USP28: variants seen among roughly 807,000 people sequenced by gnomAD.
USP28 encodes ubiquitin specific peptidase 28, also known as ubiquitin carboxyl-terminal hydrolase 28.
USP28 carries 113 observed loss-of-function variants against 145.0 expected under a neutral mutation model. The ratio of observed to expected loss-of-function variants is 0.78; its 90% CI spans 0.67 to 0.91. The LOEUF is 0.91. Among genes scored for constraint, USP28 ranks in the 40% least tolerant of loss-of-function variants. The probability of loss-of-function intolerance (pLI) is 0.00; values close to 1 mark genes in which losing one functional copy is unlikely to be tolerated. For missense variants in USP28, 1,201 were observed against 1,289.6 expected (o/e 0.93, Z 1.05); for synonymous variants, 447 against 450.9 (o/e 0.99, Z 0.11).
chr11:113,817,693 C>T, exon 13 of USP28: 7 of 1,614,160 alleles, frequency 4.3e-6, no homozygotes, highest in Non-Finnish European at 5.9e-6. Flanking sequence ...CCGAGCAGTG[C>T]ACTGAAGAAA....
At position 113,854,350 on chromosome 11, in the gene USP28, C is replaced by CA. The variant is rs780996410; in HGVS notation, c.58-16dup. On this transcript the variant is annotated splice_polypyrimidine_tract_variant and intron_variant, in intron 1 of 24. Coordinates refer to ENST00000003302, the Ensembl canonical transcript of USP28. ...ATTTGGCAGCTCTATATTTGCAAAA[C>CA]AAAAAAACCACAAACATGTCAGTCA... 9 of 1,605,748 alleles carry CA rather than the reference C, an allele frequency of 5.6e-6. No individual in the cohort carries two copies. The Admixed American group carries it at 6.8e-5, about 12-fold the overall frequency.
rs189757450 is a variant in USP28, at chr11:113,817,598, A to G, written c.1463+60T>C. 5.7e-3 allele frequency: 8,798 copies of G among 1,556,112 alleles called. 28 individuals carry two copies. The highest frequency in any genetic ancestry group is 7.1e-3 in the Non-Finnish European group (8,143 of 1,141,160). On this transcript the variant is annotated intron_variant, in intron 13 of 24. Coordinates refer to ENST00000003302, the Ensembl canonical transcript of USP28. ...TGTCAATCAAGTACAAAGATGGTGC[A>G]TAGTTTAAATTATACCAGAAAAACA...
intron 24 of USP28, among the ~76,000 whole-genome samples, chr11:113,800,158 A>C (rs1157775162): frequency 3.9e-5 from 6 of 151,994 alleles, no homozygotes; most frequent in African/African-American, 1.5e-4. Flanking sequence ...GGTGCCCGCC[A>C]CCACACCCGG....
At chr11:113,830,644 A>C (rs1294279993) in intron 9 of USP28, among the ~76,000 whole-genome samples, 1 of 152,166 alleles carries the variant, frequency 6.6e-6, no homozygotes, top group Non-Finnish European at 1.5e-5. Context: ...TAATATGACA[A>C]ATCTGAGATA....
Position 113,812,306 on chromosome 11 carries a change from T to C in USP28, c.1942A>G (p.Ile648Val), listed in dbSNP as rs375716541. 3.7e-6 allele frequency: 6 copies of C among 1,614,026 alleles called. No individual in the cohort carries two copies. In the African/African-American group the frequency reaches 8.0e-5, roughly 22 times the overall value. The stretch of plus-strand genomic sequence containing the variant: ...TTGAAGTAGGGTAGTTTGTCATTAA[T>C]GTACATCAGACAGTAAGCACTAACA... Residue 648 changes from isoleucine (I) to valine (V), a missense_variant, in exon 16 of 25, where the codon ATT becomes GTT. Transcript: ENST00000003302.
chr11:113,803,668 G>C lies in USP28; in HGVS notation c.2738+130C>G, dbSNP rs1175514688. The C allele has an allele frequency of 4.3e-6, 3 of 695,762 alleles. No homozygotes were observed. In the East Asian group the frequency reaches 8.0e-5, roughly 19 times the overall value. The allele number at this position is 695,762 out of a possible 1,614,324, so 43.1% of individuals were successfully genotyped here. A position where few individuals can be genotyped will look rare whatever the true frequency, so the allele number is the denominator to read the frequency against. On this transcript the variant is annotated intron_variant, in intron 22 of 24. Coordinates refer to ENST00000003302, the Ensembl canonical transcript of USP28. ...TTAGAGCAAAACCAAAGCACTGCAAGAGAAGAGGCACACTAGTGTATGTGA... is the reference window on the plus strand; with the variant it reads ...TTAGAGCAAAACCAAAGCACTGCAACAGAAGAGGCACACTAGTGTATGTGA...
At chr11:113,813,815 T>G (rs1941336761) in intron 15 of USP28, 70 bp downstream of exon 15, 1 of 1,255,002 alleles carries the variant, frequency 8.0e-7, no homozygotes. Context: ...AAAAGAAAAC[T>G]ATCAAATTTG....
In USP28 at chr11:113,833,570, C is replaced by T. The variant is rs371512678; in HGVS notation, c.622-13G>A. On this transcript the variant is annotated splice_polypyrimidine_tract_variant and intron_variant, in intron 6 of 24. Coordinates refer to ENST00000003302, the Ensembl canonical transcript of USP28. ...TATTTCTCTTTTCCTGTAGAAAACA[C>T]AGTACATGTACTCTTACAATATCTC... The T allele has an allele frequency of 2.4e-5, 39 of 1,609,948 alleles. No individual in the cohort carries two copies. The highest frequency in any genetic ancestry group is 3.0e-5 in the Non-Finnish European group (35 of 1,179,106).
rs1469215836 is a variant in USP28, at chr11:113,875,469, G to A, written c.33C>T (p.Ala11=). Reference sequence around the variant, plus strand: ...CCGAGCCGTGGCCGTCTGCCGCGCCGGCCGCGTCGTCCTGCTGCAGCTCCG... The same window carrying A: ...CCGAGCCGTGGCCGTCTGCCGCGCCAGCCGCGTCGTCCTGCTGCAGCTCCG... The change falls in exon 1 of 25, where the codon GCC becomes GCT. Residue 11 remains alanine, a synonymous_variant. Transcript: ENST00000003302. The A allele has an allele frequency of 4.9e-6, 6 of 1,235,328 alleles. 1 individual carries two copies. The South Asian group carries it at 7.3e-5, about 15-fold the overall frequency. The allele number at this position is 1,235,328 out of a possible 1,614,324, so 76.5% of individuals were successfully genotyped here. A position where few individuals can be genotyped will look rare whatever the true frequency, so the allele number is the denominator to read the frequency against.
intron 1 of USP28, among the ~76,000 whole-genome samples, chr11:113,866,775 G>C (rs1242885020): frequency 6.6e-6 from 1 of 152,170 alleles, no homozygotes; most frequent in Non-Finnish European, 1.5e-5. Context: ...ATTACCATAT[G>C]AGTCAACAAT....
At chr11:113,872,062 G>A (rs971947934) in intron 1 of USP28, among the ~76,000 whole-genome samples, 2 of 152,192 alleles carry the variant, frequency 1.3e-5, no homozygotes, top group African/African-American at 2.4e-5. Flanking sequence ...TAAGTTCTGA[G>A]CACCGAGTCT....
chr11:113,847,161 T>C (rs1447889755), intron 3 of USP28, among the ~76,000 whole-genome samples: 1 of 152,070 alleles, frequency 6.6e-6, no homozygotes, highest in African/African-American at 2.4e-5. Context: ...AACTTCATAA[T>C]AGATAAATTA....
exon 18 of USP28, chr11:113,808,406 G>A: frequency 6.2e-7 from 1 of 1,614,068 alleles, no homozygotes; most frequent in African/African-American, 1.3e-5. Flanking sequence ...ACGACAAGCA[G>A]CGAACCCCAT....
chr11:113,850,297 T>C (rs1840735864), intron 3 of USP28, among the ~76,000 whole-genome samples: 1 of 152,128 alleles, frequency 6.6e-6, no homozygotes, highest in Admixed American at 6.6e-5. Context: ...ACAAGCAGCA[T>C]GAATCCGAAC....
In USP28 at chr11:113,812,294, G is replaced by A. The variant is rs754528638; in HGVS notation, c.1954C>T (p.Leu652=). The A allele has an allele frequency of 1.9e-6, 3 of 1,613,952 alleles. No homozygotes were observed. In the Admixed American group the frequency reaches 5.0e-5, roughly 27 times the overall value. The change falls in exon 16 of 25, where the codon CTA becomes TTA. Residue 652 remains leucine, a synonymous_variant. Coordinates refer to ENST00000003302, the Ensembl canonical transcript of USP28. ...CTTTTACCTGCATTGAAGTAGGGTA[G>A]TTTGTCATTAATGTACATCAGACAG...
exon 14 of USP28, chr11:113,815,291 G>T (rs749211347): frequency 3.1e-6 from 5 of 1,614,114 alleles, no homozygotes; most frequent in Non-Finnish European, 8.5e-7. Context: ...ATGGAAGACC[G>T]AGAAGATGTC....
intron 12 of USP28, 46 bp from the exon 13 acceptor site, chr11:113,817,883 T>C (rs1248515559): frequency 1.3e-6 from 2 of 1,592,728 alleles, no homozygotes; most frequent in South Asian, 2.2e-5. Context: ...GGCTGTTTTG[T>C]ATTTTAAGAG....
chr11:113,848,248 T>A (rs2136345144), intron 3 of USP28, among the ~76,000 whole-genome samples: 1 of 152,346 alleles, frequency 6.6e-6, no homozygotes, highest in Admixed American at 6.5e-5. Flanking sequence ...CAAAGGGAAC[T>A]CTGCTGATTA....
chr11:113,799,258 T>C, exon 25 of USP28: 1 of 1,613,296 alleles, frequency 6.2e-7, no homozygotes, highest in Non-Finnish European at 8.5e-7. Context: ...CTGTCACAGT[T>C]GAAACTCCCT....
Sources: allele counts gnomAD v4.1 joint callset (sites outside exome capture counted in the v4.1 genomes callset), GRCh38; gene constraint gnomAD v4.1.1; transcripts MANE v1.5; gene names NCBI Gene and HGNC (gene_info 2026-07-23, HGNC 2026-07-21).